AMPH: variants seen among roughly 807,000 people sequenced by gnomAD.
AMPH encodes amphiphysin (Stiff-Mann syndrome with breast cancer 128kD autoantigen).
AMPH carries 49 observed loss-of-function variants against 99.1 expected under a neutral mutation model. That is an observed-to-expected ratio of 0.49 (90% confidence interval 0.39 to 0.63). The LOEUF is 0.63. Among genes scored for constraint, AMPH ranks in the 20% least tolerant of loss-of-function variants. AMPH has a pLI of 0.00. For missense variants in AMPH, 759 were observed against 863.4 expected, an observed-to-expected ratio of 0.88 and a Z score of 1.52; for synonymous variants, 314 against 317.3, an observed-to-expected ratio of 0.99 and a Z score of 0.11.
intron 13 of AMPH, among the ~76,000 whole-genome samples, chr7:38,430,683 G>T (rs1479665070): frequency 1.3e-5 from 2 of 152,220 alleles, no homozygotes; most frequent in East Asian, 3.8e-4. Context: ...GTTGAAGTTA[G>T]AATTCAAATG....
At chr7:38,504,421 A>G (rs1789253107) in intron 2 of AMPH, among the ~76,000 whole-genome samples, 1 of 152,208 alleles carries the variant, frequency 6.6e-6, no homozygotes. Flanking sequence ...AACTAGGATG[A>G]GACTGCAAAT....
At chr7:38,418,889 T>C (rs541490282) in intron 16 of AMPH, among the ~76,000 whole-genome samples, 14 of 152,090 alleles carry the variant, frequency 9.2e-5, no homozygotes, top group Non-Finnish European at 1.6e-4. Context: ...GTTTTAAAAT[T>C]AGCAATATAA....
chr7:38,516,204 T>A (rs1276210503), intron 2 of AMPH, among the ~76,000 whole-genome samples: 3 of 152,156 alleles, frequency 2.0e-5, no homozygotes, highest in Non-Finnish European at 4.4e-5. Context: ...ATGGGGAAAA[T>A]GCCTTGAAGG....
At position 38,417,943 on chromosome 7, in the gene AMPH, G is replaced by C. The variant is rs772695203; in HGVS notation, c.1280C>G (p.Ser427Cys). The C allele has an allele frequency of 6.2e-7, 1 of 1,613,938 alleles. No individual in the cohort carries two copies. The highest frequency in any genetic ancestry group is 1.7e-5 in the Admixed American group (1 of 60,008). Reference protein sequence around the residue: ...DQSMICNLAESEQAPPTEPKA... With the variant: ...DQSMICNLAECEQAPPTEPKA... Reference sequence around the variant, plus strand: ...TGGCTCTGTGGGTGGAGCCTGTTCAGATTCAGCCTTGGAGTGTTTGTTTTG... The same window carrying C: ...TGGCTCTGTGGGTGGAGCCTGTTCACATTCAGCCTTGGAGTGTTTGTTTTG... Residue 427 changes from serine to cysteine, a missense_variant, in exon 17 of 21, where the codon TCT becomes TGT. This residue lies in a region of AMPH where 554 missense variants were observed against 575.6 expected (regional missense o/e 0.96). Coordinates refer to ENST00000356264, the MANE Select transcript of AMPH (RefSeq NM_001635.4).
At chr7:38,518,501 G>A (rs1446402652) in intron 2 of AMPH, among the ~76,000 whole-genome samples, 1 of 152,232 alleles carries the variant, frequency 6.6e-6, no homozygotes, top group African/African-American at 2.4e-5. Context: ...AGAGTCAAGG[G>A]TGATTATTCT....
intron 1 of AMPH, among the ~76,000 whole-genome samples, chr7:38,613,059 G>A (rs1045656955): frequency 7.2e-5 from 11 of 151,906 alleles, no homozygotes; most frequent in African/African-American, 2.4e-4. Context: ...TAAAAAAAAA[G>A]CATCATTTTC....
chr7:38,589,481 C>A (rs973167130), intron 1 of AMPH, among the ~76,000 whole-genome samples: 1 of 152,120 alleles, frequency 6.6e-6, no homozygotes. Context: ...TTTTAAATAG[C>A]AGAATGTTTA....
intron 15 of AMPH, 77 bp from the exon 16 acceptor site, chr7:38,422,554 GTATCTATCTATCTATC>G (rs57006229): frequency 0.057 from 45,087 of 784,480 alleles, 1,833 homozygotes; most frequent in East Asian, 0.19. Flanking sequence ...GTCTGCCTAC[GTATCTATCTATCTATC>G]TATCTATCTA....
At chr7:38,437,031 G>A (rs1003516270) in intron 11 of AMPH, among the ~76,000 whole-genome samples, 2 of 152,144 alleles carry the variant, frequency 1.3e-5, no homozygotes, top group African/African-American at 4.8e-5. Context: ...AACATTTGCT[G>A]CAAAATGAGC....
In AMPH at chr7:38,391,869, G is replaced by C; in HGVS notation, c.1757C>G (p.Thr586Arg). 1 of 1,612,824 alleles carries C rather than the reference G, an allele frequency of 6.2e-7. No homozygotes were observed. Among genetic ancestry groups the C allele is most frequent in the Non-Finnish European group, 8.5e-7 (1 of 1,179,706 alleles). The stretch of plus-strand genomic sequence containing the variant: ...AGGGTCCTGGATAGGCTTCTGCTCC[G>C]TAGCCAGCTCCGGTGTCTCGCTGGT... ...GPTSETPELA[T>R]EQKPIQDPQP... Residue 586 changes from threonine to arginine, a missense_variant, in exon 19 of 21, where the codon ACG (threonine) becomes AGG (arginine). Coordinates refer to ENST00000356264, the MANE Select transcript of AMPH (RefSeq NM_001635.4).
In AMPH at chr7:38,589,145, C is replaced by A. The variant is rs2129057446; in HGVS notation, c.69+42138G>T. 2.6e-5 allele frequency among the ~76,000 whole-genome samples: 4 copies of A among 152,260 alleles called. No individual in the cohort carries two copies. The East Asian group carries it at 5.8e-4, about 22-fold the overall frequency. On this transcript the variant is annotated intron_variant, in intron 1 of 20. Coordinates refer to ENST00000356264, the MANE Select transcript of AMPH (RefSeq NM_001635.4). ...AAATTTAATTGATATTGAAGTCTGA[C>A]TATCCAACATTAAAGTAGAAATAAG...
chr7:38,406,571 A>C (rs1274587554), intron 17 of AMPH, among the ~76,000 whole-genome samples: 5 of 151,990 alleles, frequency 3.3e-5, no homozygotes, highest in African/African-American at 1.2e-4. Context: ...GTGCCAGAGG[A>C]GACTGACATT....
rs1256578835 is a variant in AMPH at position 38,391,939 on chromosome 7, C to T, written c.1687G>A (p.Ala563Thr). 1 of 1,612,474 alleles carries T rather than the reference C, an allele frequency of 6.2e-7. No individual in the cohort carries two copies. The highest frequency in any genetic ancestry group is 1.1e-5 in the South Asian group (1 of 91,044). ...EEGENEITIG[A>T]EPKETTEDAA... ...TCCTCGGTGGTCTCCTTGGGCTCTG[C>T]ACCTATAGTTATTTCGTTTTCTCCT... The change falls in exon 19 of 21, where the codon GCA becomes ACA. Residue 563 changes from alanine (A) to threonine (T), a missense_variant. Coordinates refer to ENST00000356264, the MANE Select transcript of AMPH (RefSeq NM_001635.4).
At chr7:38,540,709 A>AAAAAAAAAAAAAAAAAAAG (rs1790776444) in intron 1 of AMPH, among the ~76,000 whole-genome samples, 1 of 145,152 alleles carries the variant, frequency 6.9e-6, no homozygotes, top group Non-Finnish European at 1.5e-5. Context: ...AAAAAAAAAA[A>AAAAAAAAAAAAAAAAAAAG]AAAAAAAAAA....
chr7:38,484,980 C>T (rs180675898), intron 5 of AMPH, among the ~76,000 whole-genome samples: 1 of 150,978 alleles, frequency 6.6e-6, no homozygotes, highest in Non-Finnish European at 1.5e-5. Flanking sequence ...GGAAGTTACA[C>T]GAAAGTAAAA....
At chr7:38,571,492 T>C (rs1332147167) in intron 1 of AMPH, among the ~76,000 whole-genome samples, 5 of 135,208 alleles carry the variant, frequency 3.7e-5, no homozygotes, top group Non-Finnish European at 7.7e-5. Context: ...ATATATTCTA[T>C]ATAAATATAT....
At chr7:38,621,422 A>G (rs939705071) in intron 1 of AMPH, among the ~76,000 whole-genome samples, 1 of 152,182 alleles carries the variant, frequency 6.6e-6, no homozygotes, top group African/African-American at 2.4e-5. Flanking sequence ...CACATATTAG[A>G]TTCTCAATAA....
chr7:38,469,016 T>C (rs1412905959), intron 7 of AMPH, among the ~76,000 whole-genome samples: 2 of 115,188 alleles, frequency 1.7e-5, no homozygotes, highest in Non-Finnish European at 3.5e-5. Context: ...TAGCCGGGCG[T>C]AGTGGCGGGC....
At chr7:38,401,243 T>G (rs1784832154) in intron 17 of AMPH, among the ~76,000 whole-genome samples, 1 of 152,192 alleles carries the variant, frequency 6.6e-6, no homozygotes. Flanking sequence ...TACTAAACAC[T>G]GCTCTATTTC....
Sources: allele counts gnomAD v4.1 joint callset (sites outside exome capture counted in the v4.1 genomes callset), GRCh38; gene constraint gnomAD v4.1.1; regional missense constraint gnomAD v4.1.1; transcripts MANE v1.5; gene names NCBI Gene and HGNC (gene_info 2026-07-23, HGNC 2026-07-21).